Variants in DMRTB1 observed in about 807,000 individuals in gnomAD.
The protein encoded by DMRTB1 is DMRT like family B with proline rich C-terminal 1, also known as doublesex- and mab-3-related transcription factor B1.
Under a neutral mutation model 25.2 loss-of-function variants are expected in DMRTB1, and 9 were observed. The observed-to-expected ratio is 0.36, with a 90% CI of 0.22 to 0.62. The LOEUF (loss-of-function observed/expected upper bound fraction) is 0.62. Ranked by LOEUF, DMRTB1 falls within the 20% of genes least tolerant of loss-of-function variation. DMRTB1 has a pLI of 0.71. For synonymous variants in DMRTB1, 269 were observed against 238.1 expected, an observed-to-expected ratio of 1.13 and a Z score of -1.20; for missense variants, 551 against 499.3, an observed-to-expected ratio of 1.10 and a Z score of -0.99.
chr1:53,461,405 C>T (rs1644021578), intron 1 of DMRTB1, 68 bp from the exon 2 acceptor site: 1 of 1,480,094 alleles, frequency 6.8e-7, no homozygotes, highest in African/African-American at 1.4e-5. Flanking sequence ...ACCCCGCCGC[C>T]CTGGGCCGCC....
intron 1 of DMRTB1, 38 bp from the exon 2 acceptor site, chr1:53,461,435 C>T (rs749782355): frequency 6.6e-7 from 1 of 1,522,266 alleles, no homozygotes; most frequent in South Asian, 1.3e-5. Context: ...CTTTTCCCAG[C>T]GGTGTCTAAC....
chr1:53,461,504 A>G lies in DMRTB1; in HGVS notation c.609A>G (p.Ala203=). The change falls in exon 2 of 4, where the codon GCA becomes GCG. Residue 203 remains alanine, a synonymous_variant. Coordinates refer to ENST00000371445, the MANE Select transcript of DMRTB1 (RefSeq NM_033067.3). ...CTCTGAACATCAACCCGGACCGTGCACTGGGCCCTGAGTACCCTGGTGGCT... is the reference window on the plus strand; with the variant it reads ...CTCTGAACATCAACCCGGACCGTGCGCTGGGCCCTGAGTACCCTGGTGGCT... ...VRPLNINPDR[A]LGPEYPGGSS... is the part of the protein sequence containing the mutation. The G allele has an allele frequency of 6.2e-7, 1 of 1,608,600 alleles. No homozygotes were observed. Among genetic ancestry groups the G allele is most frequent in the African/African-American group, 1.3e-5 (1 of 74,848 alleles).
Position 53,459,483 on chromosome 1 carries a change from G to C in DMRTB1, c.30G>C (p.Lys10Asn). 1 of 1,613,222 alleles carries C rather than the reference G, an allele frequency of 6.2e-7. No individual in the cohort carries two copies. Among genetic ancestry groups the C allele is most frequent in the Non-Finnish European group, 8.5e-7 (1 of 1,180,022 alleles). ...CCGACAAAATGGTGCGCACCCCCAA[G>C]TGCTCGAGATGCAGGAACCATGGCT... MADKMVRTP[K>N]CSRCRNHGFL... The change falls in exon 1 of 4, where the codon AAG (lysine) becomes AAC (asparagine). Residue 10 changes from lysine (K) to asparagine (N), a missense_variant. Coordinates refer to ENST00000371445, the MANE Select transcript of DMRTB1 (RefSeq NM_033067.3).
rs565721796 is a variant in DMRTB1, at chr1:53,467,142, G to C, written c.*480G>C. The stretch of plus-strand genomic sequence containing the variant: ...GGAGCCAGCAGCCAGGACCAGGGTC[G>C]TTGACAGCAGGTTCTGCAGCATCCT... On this transcript the variant is annotated 3_prime_UTR_variant, in exon 4 of 4. Coordinates refer to ENST00000371445, the MANE Select transcript of DMRTB1 (RefSeq NM_033067.3). 6.3e-6 allele frequency: 1 copy of C among 158,440 alleles called. No homozygotes were observed. The highest frequency in any genetic ancestry group is 1.4e-5 in the Non-Finnish European group (1 of 71,404). The allele number at this position is 158,440 out of a possible 1,614,324, so 9.8% of individuals were successfully genotyped here.
In DMRTB1 at chr1:53,459,602, T is replaced by C. The variant is rs1644005296; in HGVS notation, c.149T>C (p.Met50Thr). ...CYLISERQKIMAAQKVLKTQA... is the reference protein window; with the variant it reads ...CYLISERQKITAAQKVLKTQA... ...CTGATCTCCGAGCGCCAGAAGATCA[T>C]GGCCGCGCAGAAGGTGCTCAAGACG... Residue 50 changes from methionine (M) to threonine (T), a missense_variant, in exon 1 of 4, where the codon ATG becomes ACG. Met to Thr is a moderately conservative substitution (Grantham distance 81). Transcript: ENST00000371445. 6 of 1,590,720 alleles carry C rather than the reference T, an allele frequency of 3.8e-6. No homozygotes were observed. The highest frequency in any genetic ancestry group is 1.1e-5 in the South Asian group (1 of 88,248).
chr1:53,460,928 C>T (rs1644018702), intron 1 of DMRTB1, among the ~76,000 whole-genome samples: 1 of 152,198 alleles, frequency 6.6e-6, no homozygotes, highest in South Asian at 2.1e-4. Flanking sequence ...CAGGGAACGT[C>T]CCATCTGACA....
Position 53,459,435 on chromosome 1 carries a change from A to C in DMRTB1, c.-19A>C. The C allele has an allele frequency of 6.2e-7, 1 of 1,612,860 alleles. No individual in the cohort carries two copies. The highest frequency in any genetic ancestry group is 8.5e-7 in the Non-Finnish European group (1 of 1,179,948). Reference sequence around the variant, plus strand: ...AGCTCCCAGAGGTGGTGGTTGTGTTACGAAGGCTGACCCTGCCAATGGCCG... The same window carrying C: ...AGCTCCCAGAGGTGGTGGTTGTGTTCCGAAGGCTGACCCTGCCAATGGCCG... On this transcript the variant is annotated 5_prime_UTR_variant, in exon 1 of 4. Coordinates refer to ENST00000371445, the MANE Select transcript of DMRTB1 (RefSeq NM_033067.3).
At chr1:53,466,148 A>G (rs1185278407) in intron 3 of DMRTB1, among the ~76,000 whole-genome samples, 3 of 152,220 alleles carry the variant, frequency 2.0e-5, no homozygotes, top group Non-Finnish European at 2.9e-5. Context: ...AAGTTAAAGA[A>G]AATACATTCT....
chr1:53,464,568 G>C, intron 2 of DMRTB1, 69 bp from the exon 3 acceptor site: 1 of 1,610,338 alleles, frequency 6.2e-7, no homozygotes, highest in African/African-American at 1.3e-5. Flanking sequence ...AGGGGTGAGA[G>C]CTATGTTTGG....
Position 53,459,997 on chromosome 1 carries a change from C to T in DMRTB1, c.544C>T (p.Arg182Trp), listed in dbSNP as rs776046507. Residue 182 changes from arginine to tryptophan, a missense_variant, in exon 1 of 4, where the codon CGG (arginine) becomes TGG (tryptophan). Arg to Trp is a moderately radical substitution (Grantham distance 101, BLOSUM62 -3). Coordinates refer to ENST00000371445, the MANE Select transcript of DMRTB1 (RefSeq NM_033067.3). ...CCCCCTAGACCTGCGCAGGCCGATG[C>T]GGACCGTGCCCGGCCCACTGTTCAC... The part of the protein sequence containing the change: ...PGPLDLRRPM[R>W]TVPGPLFTDF... 6 of 1,584,294 alleles carry T rather than the reference C, an allele frequency of 3.8e-6. No homozygotes were observed. In the Admixed American group the frequency reaches 5.1e-5, roughly 13 times the overall value.
At chr1:53,461,770 T>G in intron 2 of DMRTB1, 125 bp downstream of exon 2, 4 of 1,210,716 alleles carry the variant, frequency 3.3e-6, no homozygotes, top group African/African-American at 1.5e-5. Flanking sequence ...AGCCCCCGAG[T>G]GCTGGTGGAG....
At chr1:53,464,887 G>A in intron 3 of DMRTB1, 40 bp downstream of exon 3, 1 of 1,611,990 alleles carries the variant, frequency 6.2e-7, no homozygotes, top group Non-Finnish European at 8.5e-7. Context: ...CGAGAGCCAG[G>A]GAGACTTTCT....
intron 2 of DMRTB1, 86 bp downstream of exon 2, chr1:53,461,731 G>C: frequency 1.4e-6 from 2 of 1,457,814 alleles, no homozygotes; most frequent in South Asian, 2.8e-5. Flanking sequence ...CAGGAAGCCA[G>C]CTGTCATAAA....
intron 3 of DMRTB1, 23 bp downstream of exon 3, chr1:53,464,870 G>T (rs1415065987): frequency 6.2e-7 from 1 of 1,613,314 alleles, no homozygotes; most frequent in Non-Finnish European, 8.5e-7. Context: ...CAGTCTTCCA[G>T]CTTCAGCGAG....
At position 53,460,231 on chromosome 1, in the gene DMRTB1, TG is replaced by T. The variant is rs983952647; in HGVS notation, c.577+204del. 25 of 721,886 alleles carry T rather than the reference TG, an allele frequency of 3.5e-5. No individual in the cohort carries two copies. The African/African-American group carries it at 4.7e-4, about 14-fold the overall frequency. The allele number at this position is 721,886 out of a possible 1,614,324, so 44.7% of individuals were successfully genotyped here. The stretch of plus-strand genomic sequence containing the variant: ...AAAGGAAACGAGAAACAGAAAGGAA[TG>T]GGCGGTTCAGAGGGCTTTTAACATT... On this transcript the variant is annotated intron_variant, in intron 1 of 3. Coordinates refer to ENST00000371445, the MANE Select transcript of DMRTB1 (RefSeq NM_033067.3).
chr1:53,461,255 C>T (rs1644020548), intron 1 of DMRTB1, among the ~76,000 whole-genome samples: 1 of 152,204 alleles, frequency 6.6e-6, no homozygotes, highest in African/African-American at 2.4e-5. Context: ...CTGGAGGCGG[C>T]CCCGGCCCAC....
In DMRTB1 at chr1:53,461,627, G is replaced by C. The variant is rs371463077; in HGVS notation, c.732G>C (p.Gln244His). The C allele has an allele frequency of 6.3e-7, 1 of 1,599,668 alleles. No homozygotes were observed. Among genetic ancestry groups the C allele is most frequent in the Non-Finnish European group, 8.5e-7 (1 of 1,173,826 alleles). The change falls in exon 2 of 4, where the codon CAG (glutamine) becomes CAC (histidine). Residue 244 changes from glutamine to histidine, a missense_variant. Gln to His is a conservative substitution (Grantham distance 24, BLOSUM62 0). Transcript: ENST00000371445. ...QQGFRHVSRS[Q>H]YQGGGLVSEP... ...GCTTCCGGCATGTGTCCCGCAGCCA[G>C]TACCAAGGCGGAGGCTTGGTGAGTC... is the stretch of plus-strand genomic sequence containing the variant.
At position 53,466,696 on chromosome 1, in the gene DMRTB1, G is replaced by A; in HGVS notation, c.*34G>A. On this transcript the variant is annotated 3_prime_UTR_variant, in exon 4 of 4. Transcript: ENST00000371445. ...CCCGCCCTCCTGGCCAGCAGAGTGG[G>A]GCACTGGGGGGCAACAGCAACAGTT... 1 of 1,599,146 alleles carries A rather than the reference G, an allele frequency of 6.3e-7. No homozygotes were observed. The highest frequency in any genetic ancestry group is 8.5e-7 in the Non-Finnish European group (1 of 1,170,560).
At position 53,459,721 on chromosome 1, in the gene DMRTB1, G is replaced by C. The variant is rs1171617717; in HGVS notation, c.268G>C (p.Val90Leu). 2.2e-6 allele frequency: 3 copies of C among 1,385,078 alleles called. No individual in the cohort carries two copies. Among genetic ancestry groups the C allele is most frequent in the Admixed American group, 7.6e-5 (2 of 26,208 alleles). 85.8% of individuals were successfully genotyped at this position (1,385,078 alleles called of 1,614,324 possible). The change falls in exon 1 of 4, where the codon GTC (valine) becomes CTC (leucine). Residue 90 changes from valine to leucine, a missense_variant. By Grantham distance (32) the Val-to-Leu change is conservative. Transcript: ENST00000371445. ...AAAAAPAPVP[V>L]PAASLRPLSP... ...GGCCGCCGCCCCCGCCCCCGTCCCCGTCCCGGCCGCGAGCCTCCGCCCGCT... is the reference window on the plus strand; with the variant it reads ...GGCCGCCGCCCCCGCCCCCGTCCCCCTCCCGGCCGCGAGCCTCCGCCCGCT...
Sources: gnomAD v4.1 joint callset for allele counts (sites outside exome capture counted in the v4.1 genomes callset) on GRCh38, gnomAD v4.1.1 for gene constraint, MANE v1.5 for transcripts, NCBI Gene and HGNC (gene_info 2026-07-23, HGNC 2026-07-21) for gene names.